The following C8orf34 variants were observed in gnomAD, a reference collection of about 807,000 sequenced individuals.
The protein encoded by C8orf34 is uncharacterized protein C8orf34.
C8orf34 carries 65 observed loss-of-function variants against 68.3 expected under a neutral mutation model. The ratio of observed to expected loss-of-function variants is 0.95; its 90% CI spans 0.78 to 1.17. The LOEUF is 1.17. Ranked by LOEUF, C8orf34 falls within the 50% of genes most tolerant of loss-of-function variation. The probability of loss-of-function intolerance (pLI) is 0.00; values close to 1 mark genes in which losing one functional copy is unlikely to be tolerated. For missense variants in C8orf34, 664 were observed against 655.4 expected, an observed-to-expected ratio of 1.01 and a Z score of -0.14; for synonymous variants, 244 against 241.2, an observed-to-expected ratio of 1.01 and a Z score of -0.11.
intron 12 of C8orf34, among the ~76,000 whole-genome samples, chr8:68,794,485 ATATATATATATATATATATATTT>A (rs1824111821): frequency 2.1e-5 from 2 of 93,848 alleles, no homozygotes; most frequent in Non-Finnish European, 3.7e-5. Context: ...AAATATAAAT[ATATATATATATATATATATATTT>A]TTTTTTTTTT....
chr8:68,394,096 T>C (rs1403817397), intron 1 of C8orf34, among the ~76,000 whole-genome samples: 1 of 152,026 alleles, frequency 6.6e-6, no homozygotes, highest in Non-Finnish European at 1.5e-5. Flanking sequence ...CATTTTTTTT[T>C]TATTATTATA....
chr8:68,443,408 G>T (rs1430836156), intron 2 of C8orf34, among the ~76,000 whole-genome samples: 1 of 151,898 alleles, frequency 6.6e-6, no homozygotes, highest in Non-Finnish European at 1.5e-5. Context: ...CTTTGTTTTT[G>T]TTTTTGAGAT....
At chr8:68,625,842 G>T (rs2130666063) in intron 7 of C8orf34, among the ~76,000 whole-genome samples, 1 of 152,316 alleles carries the variant, frequency 6.6e-6, no homozygotes, top group East Asian at 1.9e-4. Flanking sequence ...AATAAAGGAA[G>T]TTTGGAGGGG....
chr8:68,411,158 A>G (rs1208250868), intron 1 of C8orf34, among the ~76,000 whole-genome samples: 1 of 152,188 alleles, frequency 6.6e-6, no homozygotes, highest in Non-Finnish European at 1.5e-5. Flanking sequence ...GCATGAAGGA[A>G]GGGCTATTCA....
At chr8:68,780,296 C>A (rs754796193) in intron 11 of C8orf34, among the ~76,000 whole-genome samples, 6 of 152,128 alleles carry the variant, frequency 3.9e-5, no homozygotes, top group African/African-American at 7.2e-5. Flanking sequence ...TTCATTGATA[C>A]ACCCAATCAT....
chr8:68,648,744 A>G (rs1372664463), intron 8 of C8orf34, among the ~76,000 whole-genome samples: 2 of 152,220 alleles, frequency 1.3e-5, no homozygotes, highest in Non-Finnish European at 2.9e-5. Context: ...CTTGTTCCTA[A>G]ATAGCTTGTT....
intron 1 of C8orf34, among the ~76,000 whole-genome samples, chr8:68,405,328 T>C (rs957231852): frequency 6.6e-6 from 1 of 152,002 alleles, no homozygotes; most frequent in East Asian, 1.9e-4. Flanking sequence ...AAGAGTTTGG[T>C]TTATTCTCAG....
chr8:68,461,887 C>T (rs542886592), intron 3 of C8orf34, among the ~76,000 whole-genome samples: 117 of 152,222 alleles, frequency 7.7e-4, no homozygotes, highest in African/African-American at 2.5e-3. Flanking sequence ...CATCAACTAA[C>T]GAGCAAAATA....
At chr8:68,677,899 G>C (rs1022270081) in intron 8 of C8orf34, among the ~76,000 whole-genome samples, 11 of 152,072 alleles carry the variant, frequency 7.2e-5, no homozygotes, top group Non-Finnish European at 1.2e-4. Flanking sequence ...TGAAAAAGGA[G>C]ACATTACAAC....
At chr8:68,768,215 C>T (rs1335879606) in intron 10 of C8orf34, among the ~76,000 whole-genome samples, 1 of 152,134 alleles carries the variant, frequency 6.6e-6, no homozygotes, top group African/African-American at 2.4e-5. Flanking sequence ...TGCAATGCCC[C>T]TGGTAGTCTC....
Position 68,581,107 on chromosome 8 carries a change from T to C in C8orf34, c.1105+47958T>C, listed in dbSNP as rs182972238. Among the ~76,000 whole-genome samples the C allele has an allele frequency of 7.2e-4, 110 of 152,248 alleles. 1 individual carries two copies. The highest frequency in any genetic ancestry group is 1.9e-4 in the East Asian group (1 of 5,162). ...GAGAAATGCATATACATTTATTTAATAAGTGTTATGGGACACGAGGGCCTT... is the reference window on the plus strand; with the variant it reads ...GAGAAATGCATATACATTTATTTAACAAGTGTTATGGGACACGAGGGCCTT... On this transcript the variant is annotated intron_variant, in intron 7 of 13. Transcript: ENST00000518698.
In C8orf34 at chr8:68,717,040, G is replaced by A. The variant is rs557387335; in HGVS notation, c.1328-4321G>A. ...AAGGAAGCCCTGATTTGTAGAGATT[G>A]AAGATTTCCGTGGTGTGAATACTCC... is the stretch of plus-strand genomic sequence containing the variant. On this transcript the variant is annotated intron_variant, in intron 9 of 13. Transcript: ENST00000518698. 2.4e-4 allele frequency among the ~76,000 whole-genome samples: 37 copies of A among 151,966 alleles called. No homozygotes were observed. The East Asian group carries it at 7.4e-3, about 30-fold the overall frequency.
intron 7 of C8orf34, among the ~76,000 whole-genome samples, chr8:68,633,517 C>T (rs534404898): frequency 5.9e-5 from 9 of 152,204 alleles, no homozygotes; most frequent in Admixed American, 2.6e-4. Flanking sequence ...AAATTCCCAT[C>T]GGTTGATTTT....
intron 10 of C8orf34, among the ~76,000 whole-genome samples, chr8:68,758,795 T>C (rs908216903): frequency 2.0e-5 from 3 of 151,848 alleles, no homozygotes; most frequent in Non-Finnish European, 4.4e-5. Context: ...TCCATTTAAA[T>C]AGTGTATTAT....
chr8:68,758,370 A>G (rs1020609992), intron 10 of C8orf34, among the ~76,000 whole-genome samples: 1 of 152,188 alleles, frequency 6.6e-6, no homozygotes, highest in African/African-American at 2.4e-5. Context: ...GTAGTATAAC[A>G]GCAAATTCTC....
At chr8:68,767,044 G>A (rs1203200259) in intron 10 of C8orf34, among the ~76,000 whole-genome samples, 1 of 152,100 alleles carries the variant, frequency 6.6e-6, no homozygotes, top group Non-Finnish European at 1.5e-5. Flanking sequence ...AATTAGCCAG[G>A]TGTGATGGCA....
intron 1 of C8orf34, among the ~76,000 whole-genome samples, chr8:68,433,445 G>A (rs1448948489): frequency 1.3e-5 from 2 of 152,120 alleles, no homozygotes; most frequent in African/African-American, 4.8e-5. Flanking sequence ...AAAACTTCCT[G>A]GGAATTTGGA....
chr8:68,560,816 A>T (rs1002674851), intron 7 of C8orf34, among the ~76,000 whole-genome samples: 2 of 152,146 alleles, frequency 1.3e-5, no homozygotes, highest in African/African-American at 4.8e-5. Flanking sequence ...AGTGGTGAGT[A>T]AACGTGAAGG....
chr8:68,611,209 T>C (rs562174321), intron 7 of C8orf34, among the ~76,000 whole-genome samples: 43 of 152,200 alleles, frequency 2.8e-4, no homozygotes, highest in African/African-American at 2.9e-4. Flanking sequence ...ACTATTCAGA[T>C]AGACATTAGG....
Sources: allele counts gnomAD v4.1 joint callset (sites outside exome capture counted in the v4.1 genomes callset), GRCh38; gene constraint gnomAD v4.1.1; transcripts MANE v1.5; gene names NCBI Gene and HGNC (gene_info 2026-07-23, HGNC 2026-07-21).